The following GTF2F2 variants were observed in gnomAD, a reference collection of about 807,000 sequenced individuals.
The protein encoded by GTF2F2 is general transcription factor IIF subunit 2, also known as ATP-dependent helicase GTF2F2.
In GTF2F2, 23 loss-of-function variants were observed where a neutral mutation model predicts 42.2. The ratio of observed to expected loss-of-function variants is 0.55; its 90% CI spans 0.39 to 0.77. GTF2F2 has a LOEUF of 0.77. Among genes scored for constraint, GTF2F2 ranks in the 30% least tolerant of loss-of-function variants. The pLI is 0.00. For missense variants in GTF2F2, 261 were observed against 287.2 expected (o/e 0.91, Z 0.66); for synonymous variants, 105 against 100.8 (o/e 1.04, Z -0.25).
chr13:45,123,764 A>G (rs1868814009), intron 1 of GTF2F2, among the ~76,000 whole-genome samples: 4 of 151,902 alleles, frequency 2.6e-5, no homozygotes, highest in African/African-American at 9.7e-5. Context: ...GTTCTGGCCT[A>G]ATGAAGTGCT....
chr13:45,228,728 C>A (rs868535754), intron 5 of GTF2F2, among the ~76,000 whole-genome samples: 5 of 138,500 alleles, frequency 3.6e-5, no homozygotes, highest in African/African-American at 1.5e-4. Flanking sequence ...TGGAGTGCAA[C>A]GGCATGATCT....
intron 4 of GTF2F2, among the ~76,000 whole-genome samples, chr13:45,189,952 G>GACTT (rs1872560063): frequency 6.6e-6 from 1 of 152,146 alleles, no homozygotes; most frequent in Admixed American, 6.5e-5. Context: ...CATGGGCAAG[G>GACTT]ACTTCATGAC....
At chr13:45,254,550 A>G (rs1876020072) in intron 6 of GTF2F2, among the ~76,000 whole-genome samples, 1 of 152,174 alleles carries the variant, frequency 6.6e-6, no homozygotes, top group African/African-American at 2.4e-5. Flanking sequence ...TGAAGAAACT[A>G]CAACAGATAA....
rs372901327 is a variant in GTF2F2 at position 45,228,283 on chromosome 13, C to CTTTTTTTTTTTTTTTTTTTTTTTTTT, written c.386+20794_386+20795insTTTTTTTTTTTTTTTTTTTTTTTTTT. On this transcript the variant is annotated intron_variant, in intron 5 of 7. Transcript: ENST00000340473. ...TTTCCTTATTGCTGCCAGAGTTAAT[C>CTTTTTTTTTTTTTTTTTTTTTTTTTT]TTTTTTTTTTTTTTTTGGAGACGGA... Among the ~76,000 whole-genome samples, 416 of 92,598 alleles carry CTTTTTTTTTTTTTTTTTTTTTTTTTT rather than the reference C, an allele frequency of 4.5e-3. 29 individuals are homozygous for CTTTTTTTTTTTTTTTTTTTTTTTTTT. The highest frequency in any genetic ancestry group is 6.7e-3 in the Non-Finnish European group (315 of 47,316). The allele number at this position is 92,598 out of a possible 152,430, so 60.7% of individuals were successfully genotyped here.
chr13:45,192,811 T>G (rs1872713608), intron 4 of GTF2F2: 1 of 152,212 alleles, frequency 6.6e-6, no homozygotes, highest in Non-Finnish European at 1.5e-5. Flanking sequence ...GATGTTCATT[T>G]AATATTTTTG....
At chr13:45,154,011 G>A (rs1870633090) in intron 4 of GTF2F2, among the ~76,000 whole-genome samples, 1 of 147,736 alleles carries the variant, frequency 6.8e-6, no homozygotes, top group Non-Finnish European at 1.5e-5. Context: ...GAGTTAAAGA[G>A]TTTTAGTTTC....
intron 2 of GTF2F2, among the ~76,000 whole-genome samples, chr13:45,138,444 T>C (rs1869747942): frequency 6.6e-6 from 1 of 152,072 alleles, no homozygotes; most frequent in African/African-American, 2.4e-5. Context: ...TGATCTAGAG[T>C]TAACCACAGA....
intron 4 of GTF2F2, among the ~76,000 whole-genome samples, chr13:45,174,202 T>G (rs1452013902): frequency 6.6e-6 from 1 of 152,202 alleles, no homozygotes. Flanking sequence ...AGGTTTTCAT[T>G]TCTTTGGGAT....
At chr13:45,279,974 G>A (rs754798693) in intron 7 of GTF2F2, among the ~76,000 whole-genome samples, 8 of 144,302 alleles carry the variant, frequency 5.5e-5, no homozygotes, top group Admixed American at 2.2e-4. Flanking sequence ...TATAAATAAA[G>A]GATTATAATA....
intron 5 of GTF2F2, among the ~76,000 whole-genome samples, chr13:45,227,731 A>G (rs1566142230): frequency 1.3e-5 from 2 of 152,336 alleles, no homozygotes; most frequent in South Asian, 4.1e-4. Flanking sequence ...ATGTAATTAA[A>G]TGACATATTG....
chr13:45,142,252 C>T lies in GTF2F2; in HGVS notation c.140+5446C>T, dbSNP rs186176404. ...CGTGATCTCGGCTCACTGCAACCTCCGCCTCCTGAGTTCAAGCAATTCTCG... is the reference window on the plus strand; with the variant it reads ...CGTGATCTCGGCTCACTGCAACCTCTGCCTCCTGAGTTCAAGCAATTCTCG... On this transcript the variant is annotated intron_variant, in intron 2 of 7. Coordinates refer to ENST00000340473, the MANE Select transcript of GTF2F2 (RefSeq NM_004128.3). Among the ~76,000 whole-genome samples, 629 of 152,262 alleles carry T rather than the reference C, an allele frequency of 4.1e-3. 8 individuals carry two copies. The highest frequency in any genetic ancestry group is 0.014 in the African/African-American group (595 of 41,546).
chr13:45,245,939 CAAAA>C (rs562692270), intron 5 of GTF2F2, among the ~76,000 whole-genome samples: 1 of 74,808 alleles, frequency 1.3e-5, no homozygotes, highest in African/African-American at 4.8e-5. Flanking sequence ...GACTCCATCT[CAAAA>C]AAAAAAAAAA....
chr13:45,206,757 G>C (rs962270930), intron 4 of GTF2F2: 1 of 152,196 alleles, frequency 6.6e-6, no homozygotes, highest in African/African-American at 2.4e-5. Flanking sequence ...TTTTATGTCA[G>C]AGTCACTATA....
intron 2 of GTF2F2, among the ~76,000 whole-genome samples, chr13:45,145,949 A>G (rs750038940): frequency 2.0e-5 from 3 of 151,928 alleles, no homozygotes; most frequent in South Asian, 2.1e-4. Context: ...TTGTCCTCCT[A>G]TATGTGGATG....
At chr13:45,136,841 G>A (rs762562456) in intron 2 of GTF2F2, 35 bp downstream of exon 2, 43 of 1,210,648 alleles carry the variant, frequency 3.6e-5, no homozygotes, top group Non-Finnish European at 4.7e-5. Context: ...ATTTTAAAAA[G>A]CTATTTTTGA....
chr13:45,229,906 G>C (rs1223219895), intron 5 of GTF2F2, among the ~76,000 whole-genome samples: 1 of 152,030 alleles, frequency 6.6e-6, no homozygotes, highest in African/African-American at 2.4e-5. Context: ...ACCTATGTGT[G>C]GTTAGGGTGC....
Position 45,163,139 on chromosome 13 carries a change from A to AT in GTF2F2, c.304+11315dup, listed in dbSNP as rs988283477. On this transcript the variant is annotated intron_variant, in intron 4 of 7. Coordinates refer to ENST00000340473, the MANE Select transcript of GTF2F2 (RefSeq NM_004128.3). Reference sequence around the variant, plus strand: ...AGTCCAGTGTTTAGCTTGAGTAGAGATTTTTTTGTGTCATACCTGGAGAAA... The same window carrying AT: ...AGTCCAGTGTTTAGCTTGAGTAGAGATTTTTTTTGTGTCATACCTGGAGAAA... Among the ~76,000 whole-genome samples, 12 of 152,090 alleles carry AT rather than the reference A, an allele frequency of 7.9e-5. No individual in the cohort carries two copies. The East Asian group carries it at 1.5e-3, about 20-fold the overall frequency.
chr13:45,152,426 T>TA (rs973788454), intron 4 of GTF2F2, among the ~76,000 whole-genome samples: 1 of 152,240 alleles, frequency 6.6e-6, no homozygotes, highest in African/African-American at 2.4e-5. Context: ...AGCTGCCTTC[T>TA]AAGATGTTGA....
chr13:45,191,224 A>AAAAATATATATATAT, intron 4 of GTF2F2, among the ~76,000 whole-genome samples: 8 of 75,308 alleles, frequency 1.1e-4, no homozygotes, highest in African/African-American at 5.0e-4. Flanking sequence ...ACAAAAAAAA[A>AAAAATATATATATAT]ATATATATAT....
Sources: gnomAD v4.1 joint callset for allele counts (sites outside exome capture counted in the v4.1 genomes callset) on GRCh38, gnomAD v4.1.1 for gene constraint, MANE v1.5 for transcripts, NCBI Gene and HGNC (gene_info 2026-07-23, HGNC 2026-07-21) for gene names.